The following ALG11 variants were observed in gnomAD, a reference collection of about 807,000 sequenced individuals.
ALG11 encodes the protein GDP-Man:Man(3)GlcNAc(2)-PP-Dol alpha-1,2-mannosyltransferase.
A neutral mutation model predicts 38.8 loss-of-function variants in ALG11; 26 were observed. The ratio of observed to expected loss-of-function variants is 0.67; its 90% CI spans 0.49 to 0.93. ALG11 has a LOEUF of 0.93. Ranked by LOEUF, ALG11 falls within the 40% of genes least tolerant of loss-of-function variation. ALG11 has a pLI of 0.00. For synonymous variants in ALG11, 199 were observed against 211.6 expected, an observed-to-expected ratio of 0.94 and a Z score of 0.52; for missense variants, 535 against 578.8, an observed-to-expected ratio of 0.92 and a Z score of 0.78.
rs561755532 is a variant in ALG11, at chr13:52,031,487, G to A, written c.*2897G>A. 5.1e-6 allele frequency: 1 copy of A among 196,046 alleles called. No homozygotes were observed. The highest frequency in any genetic ancestry group is 1.4e-4 in the East Asian group (1 of 7,112). 12.1% of individuals were successfully genotyped at this position (196,046 alleles called of 1,614,324 possible). On this transcript the variant is annotated 3_prime_UTR_variant, in exon 4 of 4. Transcript: ENST00000521508. ...GGTGGTAGAGGCCAAGGTGCTGCCA[G>A]CAATCCTTTCCATACTAGGTACTGG...
Position 52,018,951 on chromosome 13 carries a change from G to A in ALG11, c.83G>A (p.Cys28Tyr), listed in dbSNP as rs985699496. 7 of 1,613,934 alleles carry A rather than the reference G, an allele frequency of 4.3e-6. No homozygotes were observed. The highest frequency in any genetic ancestry group is 5.1e-6 in the Non-Finnish European group (6 of 1,179,990). Residue 28 changes from cysteine to tyrosine, a missense_variant, in exon 2 of 4, where the codon TGT becomes TAT. By Grantham distance (194) the Cys-to-Tyr change is radical. Transcript: ENST00000521508. ...TTATTCTTCCCTGGGCTCATTGTAT[G>A]TGGAACTTTATGTGTGTGTTTGGTC... The part of the protein sequence containing the change: ...YSLFFPGLIV[C>Y]GTLCVCLVIV...
At chr13:52,020,787 G>C (rs1954177591) in intron 2 of ALG11, 2 of 152,310 alleles carry the variant, frequency 1.3e-5, no homozygotes, top group Middle Eastern at 3.4e-3. Context: ...CTGACATGCA[G>C]AACAAGGAGC....
Position 52,023,986 on chromosome 13 carries a change from A to T in ALG11, c.276-20A>T. On this transcript the variant is annotated intron_variant, in intron 2 of 3. Transcript: ENST00000521508. ...ATTTTTGTAACTTAATATATTCTTAACCATTACATTCTATTTTAGGTATCC... is the reference window on the plus strand; with the variant it reads ...ATTTTTGTAACTTAATATATTCTTATCCATTACATTCTATTTTAGGTATCC... The T allele has an allele frequency of 1.9e-6, 3 of 1,610,808 alleles. No homozygotes were observed. The highest frequency in any genetic ancestry group is 1.7e-6 in the Non-Finnish European group (2 of 1,177,464).
In ALG11 at chr13:52,024,843, A is replaced by G; in HGVS notation, c.1113A>G (p.Glu371=). ...SEDLGVQEYV[E]FKINIPFDEL... ...ATTTAGGAGTTCAAGAATATGTGGAATTTAAAATAAACATTCCATTTGATG... is the reference window on the plus strand; with the variant it reads ...ATTTAGGAGTTCAAGAATATGTGGAGTTTAAAATAAACATTCCATTTGATG... Residue 371 remains glutamate, a synonymous_variant, in exon 3 of 4, where the codon GAA becomes GAG. Transcript: ENST00000521508. 3.1e-6 allele frequency: 5 copies of G among 1,613,992 alleles called. No homozygotes were observed. Among genetic ancestry groups the G allele is most frequent in the Non-Finnish European group, 4.2e-6 (5 of 1,179,872 alleles).
At chr13:52,028,065 C>G (rs1304604464) in intron 3 of ALG11, among the ~76,000 whole-genome samples, 1 of 151,618 alleles carries the variant, frequency 6.6e-6, no homozygotes, top group African/African-American at 2.4e-5. Flanking sequence ...TAGAGGCCAG[C>G]CTGGGCAACA....
chr13:52,014,877 T>A (rs943652797), intron 1 of ALG11, among the ~76,000 whole-genome samples: 8 of 152,312 alleles, frequency 5.3e-5, no homozygotes, highest in Non-Finnish European at 1.0e-4. Flanking sequence ...CTCAGTAAAA[T>A]TTTTAAGAGT....
intron 1 of ALG11, among the ~76,000 whole-genome samples, chr13:52,012,691 C>T (rs1954085342): frequency 6.6e-6 from 1 of 152,098 alleles, no homozygotes; most frequent in South Asian, 2.1e-4. Context: ...TCACTGTTGG[C>T]CGAGGGGTCG....
At chr13:52,028,285 T>TAA in intron 3 of ALG11, 34 bp from the exon 4 acceptor site, 1 of 1,613,952 alleles carries the variant, frequency 6.2e-7, no homozygotes, top group Non-Finnish European at 8.5e-7. Flanking sequence ...CTCAAAAACT[T>TAA]AAAAGATTAC....
Position 52,030,585 on chromosome 13 carries a change from TAAAG to T in ALG11, c.*1996_*1999del, listed in dbSNP as rs1455777847. On this transcript the variant is annotated 3_prime_UTR_variant, in exon 4 of 4. Coordinates refer to ENST00000521508, the MANE Select transcript of ALG11 (RefSeq NM_001004127.3). ...GAGGAGAGAGACCAAAGGCAGATGATAAAGGAAGCTTTTGCTGGGGATGATGTCA... is the reference window on the plus strand; with the variant it reads ...GAGGAGAGAGACCAAAGGCAGATGATGAAGCTTTTGCTGGGGATGATGTCA... 1 of 1,614,036 alleles carries T rather than the reference TAAAG, an allele frequency of 6.2e-7. No individual in the cohort carries two copies. Among genetic ancestry groups the T allele is most frequent in the African/African-American group, 1.3e-5 (1 of 74,910 alleles).
In ALG11 at chr13:52,018,892, A is replaced by G. The variant is rs374192566; in HGVS notation, c.45-21A>G. On this transcript the variant is annotated intron_variant, in intron 1 of 3. Coordinates refer to ENST00000521508, the MANE Select transcript of ALG11 (RefSeq NM_001004127.3). ...TAATGTATATATCACATTGATTCTC[A>G]ACTTTGTCCTCTTATTTCAGGTTTT... 4 of 1,600,466 alleles carry G rather than the reference A, an allele frequency of 2.5e-6. No individual in the cohort carries two copies. The African/African-American group carries it at 4.0e-5, about 16-fold the overall frequency.
rs1954160555 is a variant in ALG11 at position 52,019,024 on chromosome 13, A to G, written c.156A>G (p.Leu52=). The change falls in exon 2 of 4, where the codon TTA becomes TTG. Residue 52 remains leucine (L), a synonymous_variant. Coordinates refer to ENST00000521508, the MANE Select transcript of ALG11 (RefSeq NM_001004127.3). ...IRLLLQRKKK[L]VSTSKNGKNQ... is the part of the protein sequence containing the mutation. ...TGCTGCTACAGAGAAAGAAAAAATT[A>G]GTGTCAACTAGCAAAAATGGGAAAA... 1 of 1,613,966 alleles carries G rather than the reference A, an allele frequency of 6.2e-7. No individual in the cohort carries two copies. Among genetic ancestry groups the G allele is most frequent in the East Asian group, 2.2e-5 (1 of 44,866 alleles).
chr13:52,016,347 T>C (rs1320745316), intron 1 of ALG11: 1 of 152,236 alleles, frequency 6.6e-6, no homozygotes, highest in Non-Finnish European at 1.5e-5. Context: ...AAATTCAAGC[T>C]GGCTGCAGAA....
At chr13:52,018,403 A>G (rs1465858238) in intron 1 of ALG11, among the ~76,000 whole-genome samples, 1 of 152,222 alleles carries the variant, frequency 6.6e-6, no homozygotes, top group Non-Finnish European at 1.5e-5. Flanking sequence ...ATAGAAGTGG[A>G]GAAATCTAAG....
At chr13:52,027,021 A>T (rs545589228) in intron 3 of ALG11, among the ~76,000 whole-genome samples, 25 of 152,162 alleles carry the variant, frequency 1.6e-4, no homozygotes, top group Non-Finnish European at 2.9e-4. Context: ...TGTCTTAGAA[A>T]CCAAGGAAGA....
At position 52,024,035 on chromosome 13, in the gene ALG11, C is replaced by T. The variant is rs149690619; in HGVS notation, c.305C>T (p.Thr102Ile). The T allele has an allele frequency of 2.5e-5, 40 of 1,614,062 alleles. No homozygotes were observed. The highest frequency in any genetic ancestry group is 3.1e-5 in the Non-Finnish European group (37 of 1,179,996). The change falls in exon 3 of 4, where the codon ACC becomes ATC. Residue 102 changes from threonine to isoleucine, a missense_variant. Transcript: ENST00000521508. ...CCTGAAGCAGTTTATGTTGTTTATA[C>T]CGGCGATGTTAATGTCAACGGTCAA... ...KYPEAVYVVY[T>I]GDVNVNGQQI... is the part of the protein sequence containing the mutation.
In ALG11 at chr13:52,031,308, G is replaced by C. The variant is rs990392975; in HGVS notation, c.*2718G>C. 37 of 759,094 alleles carry C rather than the reference G, an allele frequency of 4.9e-5. No homozygotes were observed. Among genetic ancestry groups the C allele is most frequent in the Middle Eastern group, 3.9e-4 (1 of 2,588 alleles). 47.0% of individuals were successfully genotyped at this position (759,094 alleles called of 1,614,324 possible). A position where few individuals can be genotyped will look rare whatever the true frequency, so the allele number is the denominator to read the frequency against. On this transcript the variant is annotated 3_prime_UTR_variant, in exon 4 of 4. Coordinates refer to ENST00000521508, the MANE Select transcript of ALG11 (RefSeq NM_001004127.3). The stretch of plus-strand genomic sequence containing the variant: ...GACATTAGAACACAGAAAAATTCTA[G>C]TACATTTAAATTCTAAACAATACAG...
rs794727256 is a variant in ALG11, at chr13:52,019,005, T to C, written c.137T>C (p.Leu46Pro). The change falls in exon 2 of 4, where the codon CTA (leucine) becomes CCA (proline). Residue 46 changes from leucine (L) to proline (P), a missense_variant. Physicochemically the swap from Leu to Pro is moderately conservative, Grantham distance 98 (BLOSUM62 -3). Coordinates refer to ENST00000521508, the MANE Select transcript of ALG11 (RefSeq NM_001004127.3). Reference protein sequence around the residue: ...VIVLWGIRLLLQRKKKLVSTS... With the variant: ...VIVLWGIRLLPQRKKKLVSTS... ...GTCCTTTGGGGAATCAGACTGCTGC[T>C]ACAGAGAAAGAAAAAATTAGTGTCA... The C allele has an allele frequency of 6.2e-7, 1 of 1,614,012 alleles. No homozygotes were observed. Among genetic ancestry groups the C allele is most frequent in the East Asian group, 2.2e-5 (1 of 44,846 alleles).
chr13:52,030,782 G>C lies in ALG11; in HGVS notation c.*2192G>C, dbSNP rs1566714767. On this transcript the variant is annotated 3_prime_UTR_variant, in exon 4 of 4. Transcript: ENST00000521508. ...AGCCCCTGAGGGTCCTCCAAGAAAA[G>C]ATAAGAATTTGCCAAATGTGATTAT... The C allele has an allele frequency of 1.2e-6, 2 of 1,614,180 alleles. No individual in the cohort carries two copies. Among genetic ancestry groups the C allele is most frequent in the East Asian group, 2.2e-5 (1 of 44,882 alleles).
At position 52,024,623 on chromosome 13, in the gene ALG11, C is replaced by A. The variant is rs1435341708; in HGVS notation, c.893C>A (p.Thr298Asn). 13 of 1,613,706 alleles carry A rather than the reference C, an allele frequency of 8.1e-6. No homozygotes were observed. Among genetic ancestry groups the A allele is most frequent in the African/African-American group, 2.7e-5 (2 of 74,922 alleles). The change falls in exon 3 of 4, where the codon ACC becomes AAC. Residue 298 changes from threonine (T) to asparagine (N), a missense_variant. Physicochemically the swap from Thr to Asn is moderately conservative, Grantham distance 65. Transcript: ENST00000521508. The stretch of plus-strand genomic sequence containing the variant: ...ATTCCCTTACATGAGAAAAAGATGA[C>A]CCCAGGACATTTGCTGGTTTCTGTT... ...LDIPLHEKKM[T>N]PGHLLVSVGQ...
Sources: allele counts gnomAD v4.1 joint callset (sites outside exome capture counted in the v4.1 genomes callset), GRCh38; gene constraint gnomAD v4.1.1; transcripts MANE v1.5; gene names NCBI Gene and HGNC (gene_info 2026-07-23, HGNC 2026-07-21).